Variants in GBP7 observed in about 807,000 individuals in gnomAD.
GBP7 encodes guanylate-binding protein 7.
In GBP7, 43 loss-of-function variants were observed where a neutral mutation model predicts 61.3. The ratio of observed to expected loss-of-function variants is 0.70; its 90% CI spans 0.55 to 0.91. GBP7 has a LOEUF of 0.91. Ranked by LOEUF, GBP7 falls within the 40% of genes least tolerant of loss-of-function variation. The pLI is 0.00. For synonymous variants in GBP7, 267 were observed against 271.0 expected (o/e 0.99, Z 0.14); for missense variants, 717 against 740.5 (o/e 0.97, Z 0.37).
In GBP7 at chr1:89,149,520, A is replaced by C. The variant is rs549543182; in HGVS notation, c.924T>G (p.Thr308=). The part of the protein sequence containing the change: ...TYLDAINSGA[T]PCLENAMAVL... Reference sequence around the variant, plus strand: ...CTGCCATTGCATTCTCCAGACAAGGAGTCGCTCCACTGTTGATGGCATCCA... The same window carrying C: ...CTGCCATTGCATTCTCCAGACAAGGCGTCGCTCCACTGTTGATGGCATCCA... Residue 308 remains threonine, a synonymous_variant, in exon 7 of 11, where the codon ACT becomes ACG. Coordinates refer to ENST00000294671, the MANE Select transcript of GBP7 (RefSeq NM_207398.3). 1 of 1,614,168 alleles carries C rather than the reference A, an allele frequency of 6.2e-7. No individual in the cohort carries two copies. The highest frequency in any genetic ancestry group is 1.7e-5 in the Admixed American group (1 of 60,020).
chr1:89,144,952 C>CTT (rs71084939), intron 8 of GBP7, among the ~76,000 whole-genome samples: 6 of 99,130 alleles, frequency 6.1e-5, no homozygotes, highest in South Asian at 3.3e-4. Flanking sequence ...GACTTTCACT[C>CTT]TTTTTTTTTT....
chr1:89,150,309 C>T (rs1682162715), intron 6 of GBP7, 21 bp downstream of exon 6: 4 of 1,608,786 alleles, frequency 2.5e-6, no homozygotes, highest in African/African-American at 1.3e-5. Context: ...AGTAAACACC[C>T]ATATAGGGAA....
chr1:89,167,769 T>C (rs150301717), intron 2 of GBP7, among the ~76,000 whole-genome samples: 78 of 152,322 alleles, frequency 5.1e-4, no homozygotes, highest in African/African-American at 1.9e-3. Flanking sequence ...ACTAAGGCAA[T>C]GACTGTCCAC....
chr1:89,148,110 A>G (rs956160971), intron 7 of GBP7, among the ~76,000 whole-genome samples: 4 of 152,214 alleles, frequency 2.6e-5, no homozygotes, highest in Admixed American at 6.5e-5. Flanking sequence ...CAGAAAATCA[A>G]CCCTTCTGGA....
rs138167921 is a variant in GBP7 at position 89,164,770 on chromosome 1, C to A, written c.279G>T (p.Leu93=). 2 of 1,613,970 alleles carry A rather than the reference C, an allele frequency of 1.2e-6. No homozygotes were observed. Among genetic ancestry groups the A allele is most frequent in the Non-Finnish European group, 1.7e-6 (2 of 1,179,892 alleles). ...CCAGGCCCTCCGTGTCCAGAAGGAT[C>A]AGGGTGTGGTTTGGCTTGGAGGGGT... is the stretch of plus-strand genomic sequence containing the variant. ...VPHPSKPNHT[L]ILLDTEGLGD... Residue 93 remains leucine (L), a synonymous_variant, in exon 3 of 11, where the codon CTG becomes CTT. Coordinates refer to ENST00000294671, the MANE Select transcript of GBP7 (RefSeq NM_207398.3).
chr1:89,145,093 C>T (rs917864629), intron 8 of GBP7, among the ~76,000 whole-genome samples: 1 of 151,846 alleles, frequency 6.6e-6, no homozygotes, highest in Non-Finnish European at 1.5e-5. Context: ...GCTGGGACTA[C>T]AGGCATGCAC....
At chr1:89,150,875 G>T (rs1053806849) in intron 5 of GBP7, among the ~76,000 whole-genome samples, 1 of 152,142 alleles carries the variant, frequency 6.6e-6, no homozygotes, top group East Asian at 1.9e-4. Context: ...GTAGACTGAC[G>T]ATTTTTAAAA....
In GBP7 at chr1:89,133,316, TC is replaced by T. The variant is rs1348693027; in HGVS notation, c.1603del (p.Glu535ArgfsTer8). The T allele has an allele frequency of 6.2e-7, 1 of 1,614,030 alleles. No individual in the cohort carries two copies. The highest frequency in any genetic ancestry group is 2.2e-5 in the East Asian group (1 of 44,870). On this transcript the variant is annotated frameshift_variant, in exon 10 of 11. Transcript: ENST00000294671. LOFTEE classifies it high-confidence loss of function. Reference protein sequence around the residue: ...ENIAQLKKKMERERENYMREL... With the variant: ...ENIAQLKKKMXRERENYMREL... Reference sequence around the variant, plus strand: ...TCTCATATAGTTTTCCCTTTCCCTCTCCATCTTCTTCTTGAGTTGAGCTATG... The same window carrying T: ...TCTCATATAGTTTTCCCTTTCCCTCTCATCTTCTTCTTGAGTTGAGCTATG...
At chr1:89,172,052 T>C in intron 1 of GBP7, 98 bp from the exon 2 acceptor site, 1 of 846,306 alleles carries the variant, frequency 1.2e-6, no homozygotes, top group Non-Finnish European at 1.8e-6. Flanking sequence ...TCTTGAACAT[T>C]GTTTCTTGTG....
At chr1:89,133,143 AAT>A in intron 10 of GBP7, 113 bp downstream of exon 10, 1 of 749,630 alleles carries the variant, frequency 1.3e-6, no homozygotes, top group Non-Finnish European at 2.3e-6. Context: ...ATTTAAGTGA[AAT>A]ATATCTTTTG....
chr1:89,159,364 A>T (rs1339657134), intron 3 of GBP7, among the ~76,000 whole-genome samples: 3 of 152,228 alleles, frequency 2.0e-5, no homozygotes, highest in African/African-American at 7.2e-5. Context: ...GACAAATGGG[A>T]TTTAATTAAA....
intron 1 of GBP7, among the ~76,000 whole-genome samples, chr1:89,174,277 G>A (rs1570366116): frequency 6.6e-6 from 1 of 152,060 alleles, no homozygotes; most frequent in South Asian, 2.1e-4. Context: ...TCCTACCAAC[G>A]GGATTGCTTG....
chr1:89,137,577 GA>G (rs1165055610), intron 9 of GBP7, among the ~76,000 whole-genome samples: 1 of 152,086 alleles, frequency 6.6e-6, no homozygotes, highest in Non-Finnish European at 1.5e-5. Flanking sequence ...AATGGGCACA[GA>G]AAAGGCTTTT....
chr1:89,143,218 T>A (rs939621069), intron 8 of GBP7, among the ~76,000 whole-genome samples: 1 of 152,264 alleles, frequency 6.6e-6, no homozygotes, highest in Non-Finnish European at 1.5e-5. Flanking sequence ...ACAGTCACCT[T>A]CTTTTCATTT....
chr1:89,140,090 C>T (rs1681897304), intron 9 of GBP7, among the ~76,000 whole-genome samples: 1 of 151,980 alleles, frequency 6.6e-6, no homozygotes, highest in East Asian at 1.9e-4. Flanking sequence ...GGCACATATA[C>T]ACCATGGAAT....
chr1:89,137,594 A>G (rs1681836060), intron 9 of GBP7, among the ~76,000 whole-genome samples: 1 of 152,100 alleles, frequency 6.6e-6, no homozygotes, highest in African/African-American at 2.4e-5. Flanking sequence ...CTTTTGATAA[A>G]ATTCAATATT....
At chr1:89,138,160 CA>C (rs1681851466) in intron 9 of GBP7, among the ~76,000 whole-genome samples, 2 of 152,000 alleles carry the variant, frequency 1.3e-5, no homozygotes, top group Admixed American at 6.6e-5. Context: ...TCTGAGACTG[CA>C]CAAACAAATG....
At chr1:89,137,168 C>A (rs1163141190) in intron 9 of GBP7, among the ~76,000 whole-genome samples, 1 of 151,868 alleles carries the variant, frequency 6.6e-6, no homozygotes, top group Non-Finnish European at 1.5e-5. Flanking sequence ...ATTAAAAAGC[C>A]TACCAAGCAG....
intron 3 of GBP7, among the ~76,000 whole-genome samples, chr1:89,158,731 G>A (rs1682369458): frequency 6.6e-6 from 1 of 152,142 alleles, no homozygotes; most frequent in Non-Finnish European, 1.5e-5. Context: ...AAATGGAAGA[G>A]CATTCCATGT....
Sources: gnomAD v4.1 joint callset for allele counts (sites outside exome capture counted in the v4.1 genomes callset) on GRCh38, gnomAD v4.1.1 for gene constraint, MANE v1.5 for transcripts, NCBI Gene and HGNC (gene_info 2026-07-23, HGNC 2026-07-21) for gene names.